Variants in TCERG1L observed in about 807,000 individuals in gnomAD.
TCERG1L encodes the protein transcription elongation regulator 1 like, also known as transcription elongation regulator 1-like protein.
A neutral mutation model predicts 56.3 loss-of-function variants in TCERG1L; 37 were observed. The observed-to-expected ratio is 0.66, with a 90% confidence interval of 0.51 to 0.87. The LOEUF (loss-of-function observed/expected upper bound fraction) is 0.87. TCERG1L is among the 40% of genes least tolerant of loss of function. TCERG1L has a pLI of 0.00. For missense variants in TCERG1L, 799 were observed against 774.2 expected (o/e 1.03, Z -0.38); for synonymous variants, 324 against 326.3 (o/e 0.99, Z 0.08).
chr10:131,203,838 G>C (rs554741822), intron 4 of TCERG1L, among the ~76,000 whole-genome samples: 13 of 152,320 alleles, frequency 8.5e-5, no homozygotes, highest in Non-Finnish European at 1.6e-4. Context: ...TCCAAGTGGG[G>C]GGTGGGCATC....
chr10:131,128,675 T>C lies in TCERG1L; in HGVS notation c.1259+5704A>G, dbSNP rs1023828436. On this transcript the variant is annotated intron_variant, in intron 8 of 11. Transcript: ENST00000368642. Reference sequence around the variant, plus strand: ...TTAAACGATACCTTGAGGGAGCCAATAGTTTATGAGGGTGAGTTTCTCTTT... The same window carrying C: ...TTAAACGATACCTTGAGGGAGCCAACAGTTTATGAGGGTGAGTTTCTCTTT... 2.0e-5 allele frequency among the ~76,000 whole-genome samples: 3 copies of C among 152,188 alleles called. No individual in the cohort carries two copies. The East Asian group carries it at 5.8e-4, about 29-fold the overall frequency.
intron 4 of TCERG1L, among the ~76,000 whole-genome samples, chr10:131,182,731 T>C (rs961499775): frequency 8.6e-5 from 13 of 151,364 alleles, no homozygotes; most frequent in African/African-American, 3.2e-4. Context: ...GACTAATCTA[T>C]GTGAAAATGC....
At position 131,104,455 on chromosome 10, in the gene TCERG1L, C is replaced by T. The variant is rs908711629; in HGVS notation, c.1396-101G>A. Reference sequence around the variant, plus strand: ...TTAAAAACAAATGAACAACAAAAACCAGCATTAAAGTACAATAGATTCCGT... The same window carrying T: ...TTAAAAACAAATGAACAACAAAAACTAGCATTAAAGTACAATAGATTCCGT... On this transcript the variant is annotated intron_variant, in intron 9 of 11. Coordinates refer to ENST00000368642, the MANE Select transcript of TCERG1L (RefSeq NM_174937.4). 28 of 775,270 alleles carry T rather than the reference C, an allele frequency of 3.6e-5. No individual in the cohort carries two copies. The African/African-American group carries it at 4.6e-4, about 13-fold the overall frequency. 48.0% of individuals were successfully genotyped at this position (775,270 alleles called of 1,614,324 possible). A position where few individuals can be genotyped will look rare whatever the true frequency, so the allele number is the denominator to read the frequency against.
chr10:131,104,713 T>A (rs1845334984), intron 9 of TCERG1L, among the ~76,000 whole-genome samples: 1 of 152,198 alleles, frequency 6.6e-6, no homozygotes, highest in Non-Finnish European at 1.5e-5. Flanking sequence ...CCACAGACCA[T>A]AACAAAGAGT....
At chr10:131,157,186 T>C (rs923599909) in intron 6 of TCERG1L, among the ~76,000 whole-genome samples, 2 of 152,198 alleles carry the variant, frequency 1.3e-5, no homozygotes, top group African/African-American at 4.8e-5. Context: ...CCTTCTGACA[T>C]TGTCAACTTC....
At position 131,311,580 on chromosome 10, in the gene TCERG1L, GGCT is replaced by G. The variant is rs1001523873; in HGVS notation, c.53_55del (p.Gln18del). The G allele has an allele frequency of 5.4e-5, 63 of 1,157,668 alleles. No homozygotes were observed. In the African/African-American group the frequency reaches 7.0e-4, roughly 13 times the overall value. The allele number at this position is 1,157,668 out of a possible 1,614,324, so 71.7% of individuals were successfully genotyped here. A position where few individuals can be genotyped will look rare whatever the true frequency, so the allele number is the denominator to read the frequency against. ...CCAGAGGAGAGGCTGCCGCCGCCGG[GGCT>G]GCTGCTGCTGCAGCTGCCGCCGCCG... On this transcript the variant is annotated inframe_deletion, in exon 1 of 12. Coordinates refer to ENST00000368642, the MANE Select transcript of TCERG1L (RefSeq NM_174937.4). The surrounding 1 kb of genome is among the most constrained non-coding windows in gnomAD (Gnocchi z 4.0).
chr10:131,163,325 CACGAGAT>C, intron 5 of TCERG1L, 115 bp from the exon 6 acceptor site: 1 of 819,934 alleles, frequency 1.2e-6, no homozygotes, highest in Non-Finnish European at 1.8e-6. Context: ...TTATAGTAGC[CACGAGAT>C]AATGACCTCA....
At chr10:131,276,011 T>G (rs1846388467) in intron 3 of TCERG1L, among the ~76,000 whole-genome samples, 1 of 152,184 alleles carries the variant, frequency 6.6e-6, no homozygotes, top group South Asian at 2.1e-4. Flanking sequence ...CAGAAACTCC[T>G]CAGGCAGGAT....
chr10:131,219,563 G>A (rs1845707567), intron 4 of TCERG1L, among the ~76,000 whole-genome samples: 1 of 152,178 alleles, frequency 6.6e-6, no homozygotes, highest in Non-Finnish European at 1.5e-5. Context: ...TGCAGTCCAT[G>A]GTGACCTGCG....
intron 4 of TCERG1L, among the ~76,000 whole-genome samples, chr10:131,245,395 T>C (rs751166894): frequency 6.2e-5 from 9 of 144,064 alleles, no homozygotes; most frequent in Admixed American, 4.4e-4. Flanking sequence ...GCTTGTTAAT[T>C]GGTTTAAAAT....
intron 4 of TCERG1L, among the ~76,000 whole-genome samples, chr10:131,194,526 A>C (rs1395491388): frequency 1.3e-5 from 2 of 152,194 alleles, no homozygotes; most frequent in African/African-American, 2.4e-5. Context: ...TCCATGCCTC[A>C]AATTTTTATT....
intron 4 of TCERG1L, among the ~76,000 whole-genome samples, chr10:131,218,875 C>A (rs1470285136): frequency 6.6e-6 from 1 of 152,126 alleles, no homozygotes; most frequent in Non-Finnish European, 1.5e-5. Flanking sequence ...GCCAGCCGTG[C>A]CCTGCTGTGA....
rs145257107 is a variant in TCERG1L at position 131,193,451 on chromosome 10, T to G, written c.857-26566A>C. Among the ~76,000 whole-genome samples the G allele has an allele frequency of 1.2e-4, 18 of 152,338 alleles. No homozygotes were observed. In the East Asian group the frequency reaches 3.5e-3, roughly 29 times the overall value. On this transcript the variant is annotated intron_variant, in intron 4 of 11. Transcript: ENST00000368642. The stretch of plus-strand genomic sequence containing the variant: ...ATGTCCGGAAGAGTTTTCCCCAGGT[T>G]TTCTTATAGTATTTTTATAGTTTCA...
intron 11 of TCERG1L, among the ~76,000 whole-genome samples, chr10:131,096,737 T>G (rs1195511892): frequency 6.6e-6 from 1 of 151,638 alleles, no homozygotes; most frequent in Non-Finnish European, 1.5e-5. Context: ...CGTCTCTACT[T>G]CTCTACTAAA....
At chr10:131,117,943 C>T (rs2133391140) in intron 8 of TCERG1L, among the ~76,000 whole-genome samples, 1 of 152,342 alleles carries the variant, frequency 6.6e-6, no homozygotes, top group African/African-American at 2.4e-5. Flanking sequence ...TCCCCTCCTC[C>T]CAACCCTGGC....
At chr10:131,291,397 A>ATTTTTTT (rs1564835283) in intron 3 of TCERG1L, among the ~76,000 whole-genome samples, 1 of 60,186 alleles carries the variant, frequency 1.7e-5, no homozygotes, top group Non-Finnish European at 3.2e-5. Flanking sequence ...CATAAACAGC[A>ATTTTTTT]TTTCTTTTTT....
At chr10:131,196,324 G>A (rs776054208) in intron 4 of TCERG1L, among the ~76,000 whole-genome samples, 51 of 152,102 alleles carry the variant, frequency 3.4e-4, no homozygotes, top group Non-Finnish European at 6.8e-4. Context: ...CGGAGACACA[G>A]GCACATACAC....
chr10:131,291,397 A>ATTTC (rs1846621360), intron 3 of TCERG1L, among the ~76,000 whole-genome samples: 1 of 60,188 alleles, frequency 1.7e-5, no homozygotes, highest in East Asian at 4.7e-4. Flanking sequence ...CATAAACAGC[A>ATTTC]TTTCTTTTTT....
chr10:131,257,014 A>G (rs1476619227), intron 4 of TCERG1L, among the ~76,000 whole-genome samples: 18 of 145,154 alleles, frequency 1.2e-4, no homozygotes, highest in African/African-American at 4.4e-4. Context: ...AGAAAGAAAG[A>G]AAGAAAGAAA....
Sources: allele counts gnomAD v4.1 joint callset (sites outside exome capture counted in the v4.1 genomes callset), GRCh38; gene constraint gnomAD v4.1.1; non-coding constraint Gnocchi (gnomAD v3.1); transcripts MANE v1.5; gene names NCBI Gene and HGNC (gene_info 2026-07-23, HGNC 2026-07-21).